DLG2: variants seen among roughly 807,000 people sequenced by gnomAD.
The protein encoded by DLG2 is disks large homolog 2.
In DLG2, 45 loss-of-function variants were observed where a neutral mutation model predicts 132.5. That is an observed-to-expected ratio of 0.34 (90% CI 0.27 to 0.44). The LOEUF is 0.44. Among genes scored for constraint, DLG2 ranks in the 20% least tolerant of loss-of-function variants. DLG2 has a pLI of 1.00. For synonymous variants in DLG2, 424 were observed against 419.6 expected, an observed-to-expected ratio of 1.01 and a Z score of -0.13; for missense variants, 1,045 against 1,196.9, an observed-to-expected ratio of 0.87 and a Z score of 1.87.
chr11:85,299,318 T>C (rs1456382810), intron 3 of DLG2, among the ~76,000 whole-genome samples: 1 of 152,220 alleles, frequency 6.6e-6, no homozygotes, highest in African/African-American at 2.4e-5. Context: ...TGGCCTTAAC[T>C]ATTACAAACT....
intron 19 of DLG2, among the ~76,000 whole-genome samples, chr11:83,562,358 C>T (rs1265078553): frequency 6.6e-6 from 1 of 152,096 alleles, no homozygotes; most frequent in Non-Finnish European, 1.5e-5. Context: ...AGACTCACCC[C>T]TTGCAACATT....
At chr11:83,768,488 A>T (rs1282406973) in intron 18 of DLG2, among the ~76,000 whole-genome samples, 1 of 152,226 alleles carries the variant, frequency 6.6e-6, no homozygotes, top group Non-Finnish European at 1.5e-5. Context: ...AGACCAAATG[A>T]CATTCAGAAA....
intron 3 of DLG2, among the ~76,000 whole-genome samples, chr11:85,309,075 G>A (rs1198018406): frequency 1.3e-5 from 2 of 152,084 alleles, no homozygotes; most frequent in Non-Finnish European, 2.9e-5. Context: ...CAGGTCTTAG[G>A]AGGTTGTCCA....
chr11:84,590,362 T>G (rs1426214666), intron 6 of DLG2, among the ~76,000 whole-genome samples: 1 of 152,216 alleles, frequency 6.6e-6, no homozygotes, highest in Non-Finnish European at 1.5e-5. Context: ...CTTAAACTGT[T>G]GGCTATGCTT....
At chr11:85,229,225 A>T (rs974199102) in intron 4 of DLG2, among the ~76,000 whole-genome samples, 2 of 151,840 alleles carry the variant, frequency 1.3e-5, no homozygotes, top group Non-Finnish European at 2.9e-5. Flanking sequence ...TGTCAAGAAA[A>T]TTTTTGCAAT....
chr11:84,973,425 C>A (rs2054389927), intron 6 of DLG2, among the ~76,000 whole-genome samples: 1 of 152,084 alleles, frequency 6.6e-6, no homozygotes, highest in Non-Finnish European at 1.5e-5. Flanking sequence ...CTTCTGGAGC[C>A]CTGGCCAGCA....
chr11:85,412,601 G>T (rs1407703292), intron 3 of DLG2, among the ~76,000 whole-genome samples: 1 of 151,346 alleles, frequency 6.6e-6, no homozygotes, highest in Non-Finnish European at 1.5e-5. Context: ...TCCCACTTAT[G>T]AGTGAGAACA....
chr11:85,052,681 T>C (rs1017492299), intron 6 of DLG2, among the ~76,000 whole-genome samples: 1 of 152,220 alleles, frequency 6.6e-6, no homozygotes, highest in Non-Finnish European at 1.5e-5. Flanking sequence ...AAAGGAAACA[T>C]CTTTGTATCT....
intron 21 of DLG2, among the ~76,000 whole-genome samples, chr11:83,492,127 G>C (rs1296786147): frequency 6.6e-6 from 1 of 152,064 alleles, no homozygotes; most frequent in Non-Finnish European, 1.5e-5. Flanking sequence ...TACAGAAAAA[G>C]TTTCCTGGCT....
At chr11:84,399,490 A>C (rs2098822278) in intron 7 of DLG2, among the ~76,000 whole-genome samples, 1 of 152,098 alleles carries the variant, frequency 6.6e-6, no homozygotes, top group Non-Finnish European at 1.5e-5. Context: ...CAGTGGTGTG[A>C]TCTTGGCTCA....
At chr11:84,373,242 A>G (rs2098713244) in intron 7 of DLG2, among the ~76,000 whole-genome samples, 1 of 109,788 alleles carries the variant, frequency 9.1e-6, no homozygotes, top group African/African-American at 3.1e-5. Flanking sequence ...TCCAATTAAG[A>G]AACAGTCAAA....
At chr11:84,446,016 T>G (rs893333905) in intron 7 of DLG2, among the ~76,000 whole-genome samples, 3 of 151,978 alleles carry the variant, frequency 2.0e-5, no homozygotes, top group Admixed American at 2.0e-4. Context: ...TTATGTTTTT[T>G]CTGGACCATT....
chr11:84,680,401 G>A (rs1017812354), intron 6 of DLG2, among the ~76,000 whole-genome samples: 1 of 152,028 alleles, frequency 6.6e-6, no homozygotes, highest in African/African-American at 2.4e-5. Context: ...ATTGCCCCTT[G>A]GACTAACCAA....
chr11:85,001,694 C>T (rs202182195), intron 6 of DLG2, among the ~76,000 whole-genome samples: 1 of 152,158 alleles, frequency 6.6e-6, no homozygotes, highest in African/African-American at 2.4e-5. Context: ...ACACATGCTA[C>T]TACAAATTTG....
intron 6 of DLG2, among the ~76,000 whole-genome samples, chr11:84,984,728 C>A (rs1042370304): frequency 6.6e-6 from 1 of 152,070 alleles, no homozygotes; most frequent in Non-Finnish European, 1.5e-5. Flanking sequence ...TCATTCTCTG[C>A]TGCCTTCAAG....
chr11:85,429,406 C>T (rs1453769739), intron 3 of DLG2, among the ~76,000 whole-genome samples: 1 of 151,932 alleles, frequency 6.6e-6, no homozygotes, highest in Non-Finnish European at 1.5e-5. Context: ...AAGAAAATAC[C>T]ATCAGAGTGA....
intron 3 of DLG2, among the ~76,000 whole-genome samples, chr11:85,331,552 T>C (rs2081748043): frequency 6.6e-6 from 1 of 152,148 alleles, no homozygotes; most frequent in Non-Finnish European, 1.5e-5. Flanking sequence ...AGTGTACAAA[T>C]AATTTTATTA....
At chr11:84,226,736 T>C (rs73519747) in intron 8 of DLG2, among the ~76,000 whole-genome samples, 17,612 of 152,146 alleles carry the variant, frequency 0.12, 1,307 homozygotes, top group East Asian at 0.25. Flanking sequence ...GAAACAGTGT[T>C]TGCCTCAGGG....
chr11:85,585,650 T>A (rs1180691462), intron 3 of DLG2, among the ~76,000 whole-genome samples: 1 of 152,220 alleles, frequency 6.6e-6, no homozygotes, highest in Non-Finnish European at 1.5e-5. Context: ...TCAGATGCTT[T>A]TTCTCCATCT....
Sources: gnomAD v4.1 joint callset for allele counts (sites outside exome capture counted in the v4.1 genomes callset) on GRCh38, gnomAD v4.1.1 for gene constraint, MANE v1.5 for transcripts, NCBI Gene and HGNC (gene_info 2026-07-23, HGNC 2026-07-21) for gene names.